The following ADAMTS16 variants were observed in gnomAD, a reference collection of about 807,000 sequenced individuals.
ADAMTS16 encodes ADAM metallopeptidase with thrombospondin type 1 motif 16.
ADAMTS16 carries 94 observed loss-of-function variants against 145.8 expected under a neutral mutation model. That is an observed-to-expected ratio of 0.64 (90% CI 0.55 to 0.77). The LOEUF (loss-of-function observed/expected upper bound fraction) is 0.77, where lower values mean the gene tolerates loss of function less well. Among genes scored for constraint, ADAMTS16 ranks in the 30% least tolerant of loss-of-function variants. The pLI, the probability that ADAMTS16 is intolerant of heterozygous loss-of-function variation, is 0.00. For synonymous variants in ADAMTS16, 659 were observed against 604.3 expected, an observed-to-expected ratio of 1.09 and a Z score of -1.33; for missense variants, 1,585 against 1,591.5, an observed-to-expected ratio of 1.00 and a Z score of 0.07.
At chr5:5,303,515 G>C in intron 19 of ADAMTS16, 46 bp downstream of exon 19, 6 of 1,608,262 alleles carry the variant, frequency 3.7e-6, no homozygotes, top group Non-Finnish European at 5.1e-6. Context: ...GCCCCTGCAT[G>C]ATCTGCTGTG....
intron 11 of ADAMTS16, among the ~76,000 whole-genome samples, chr5:5,230,979 G>C (rs1329981909): frequency 6.6e-6 from 1 of 152,144 alleles, no homozygotes; most frequent in Non-Finnish European, 1.5e-5. Context: ...TCCTGCATTA[G>C]AAAGCTATGA....
At chr5:5,276,392 A>G (rs1468360957) in intron 18 of ADAMTS16, among the ~76,000 whole-genome samples, 1 of 152,164 alleles carries the variant, frequency 6.6e-6, no homozygotes, top group Non-Finnish European at 1.5e-5. Flanking sequence ...CCACTTTCTG[A>G]TTTAAAATAG....
At chr5:5,251,336 T>C (rs909959771) in intron 17 of ADAMTS16, among the ~76,000 whole-genome samples, 3 of 152,190 alleles carry the variant, frequency 2.0e-5, no homozygotes, top group Admixed American at 2.0e-4. Context: ...GGTATGAGCA[T>C]GAACAGCCCA....
Position 5,232,457 on chromosome 5 carries a change from A to G in ADAMTS16, c.1791A>G (p.Pro597=). 6.2e-7 allele frequency: 1 copy of G among 1,614,032 alleles called. No homozygotes were observed. Residue 597 remains proline (P), a synonymous_variant, in exon 12 of 23, where the codon CCA becomes CCG. Coordinates refer to ENST00000274181, the MANE Select transcript of ADAMTS16 (RefSeq NM_139056.4). ...GHWSDWSSWS[P]CSRTCGGGVS... is the part of the protein sequence containing the mutation. ...GGTCGGACTGGTCTTCTTGGTCCCCATGCTCCAGGACCTGCGGAGGGGGAG... is the reference window on the plus strand; with the variant it reads ...GGTCGGACTGGTCTTCTTGGTCCCCGTGCTCCAGGACCTGCGGAGGGGGAG...
At chr5:5,238,012 G>A (rs112419816) in intron 14 of ADAMTS16, among the ~76,000 whole-genome samples, 3 of 152,130 alleles carry the variant, frequency 2.0e-5, no homozygotes, top group East Asian at 1.9e-4. Flanking sequence ...TCTAGTTCTC[G>A]CTTCCCCTAA....
intron 3 of ADAMTS16, among the ~76,000 whole-genome samples, chr5:5,164,953 A>G (rs887934430): frequency 1.3e-5 from 2 of 152,042 alleles, no homozygotes; most frequent in African/African-American, 4.8e-5. Context: ...TGTTTTCTAA[A>G]TGCTTTATTG....
intron 8 of ADAMTS16, among the ~76,000 whole-genome samples, chr5:5,199,090 G>C (rs777045088): frequency 6.6e-6 from 1 of 152,216 alleles, no homozygotes; most frequent in Non-Finnish European, 1.5e-5. Flanking sequence ...TCCCAAGGAA[G>C]TATGTTGTGT....
At chr5:5,220,438 G>A (rs529030958) in intron 10 of ADAMTS16, among the ~76,000 whole-genome samples, 8 of 151,982 alleles carry the variant, frequency 5.3e-5, no homozygotes, top group East Asian at 2.0e-4. Flanking sequence ...GATTACAGGT[G>A]TGAGCCACCG....
chr5:5,287,370 T>C (rs1169045647), intron 18 of ADAMTS16, among the ~76,000 whole-genome samples: 2 of 152,256 alleles, frequency 1.3e-5, no homozygotes, highest in Non-Finnish European at 1.5e-5. Context: ...TCAAATCCTA[T>C]GTGGAAATGA....
intron 3 of ADAMTS16, among the ~76,000 whole-genome samples, chr5:5,179,621 AGTGTT>A (rs1208216885): frequency 1.3e-5 from 2 of 152,228 alleles, no homozygotes; most frequent in Admixed American, 1.3e-4. Context: ...TAAAAGGTAA[AGTGTT>A]GTTGTGTCTT....
intron 13 of ADAMTS16, among the ~76,000 whole-genome samples, chr5:5,236,615 T>C (rs201953949): frequency 2.7e-3 from 6 of 2,192 alleles, no homozygotes; most frequent in Admixed American, 4.5e-3. Context: ...AAAATGGCAG[T>C]TTTTTTTTTT....
In ADAMTS16 at chr5:5,144,125, C is replaced by CAAA. The variant is rs70965926; in HGVS notation, c.176-1997_176-1995dup. ...ATGTATCCCAGAACTTAAATTATAACAAAAAAAAAATCAATGGTCACATGC... is the reference window on the plus strand; with the variant it reads ...ATGTATCCCAGAACTTAAATTATAACAAAAAAAAAAAAATCAATGGTCACATGC... On this transcript the variant is annotated intron_variant, in intron 2 of 22. Coordinates refer to ENST00000274181, the MANE Select transcript of ADAMTS16 (RefSeq NM_139056.4). 4.3e-3 allele frequency among the ~76,000 whole-genome samples: 648 copies of CAAA among 150,464 alleles called. 6 individuals carry two copies. The highest frequency in any genetic ancestry group is 0.015 in the African/African-American group (622 of 41,108).
At chr5:5,248,101 T>C (rs1471896673) in intron 17 of ADAMTS16, among the ~76,000 whole-genome samples, 2 of 152,262 alleles carry the variant, frequency 1.3e-5, no homozygotes, top group African/African-American at 4.8e-5. Context: ...CGTTCATTTA[T>C]GGAACACCGT....
At chr5:5,186,302 GT>G (rs767235267) in intron 5 of ADAMTS16, 51 bp downstream of exon 5, 128,969 of 735,478 alleles carry the variant, frequency 0.18, 5,882 homozygotes, top group South Asian at 0.24. Flanking sequence ...ACTTCGTAGG[GT>G]GTGTGTGTGT....
At chr5:5,311,166 C>T (rs534147370) in intron 21 of ADAMTS16, among the ~76,000 whole-genome samples, 10 of 152,030 alleles carry the variant, frequency 6.6e-5, no homozygotes, top group East Asian at 1.9e-4. Flanking sequence ...CCCCCTGAAC[C>T]GAAGTAGCCC....
At chr5:5,308,901 G>C (rs897216891) in intron 21 of ADAMTS16, among the ~76,000 whole-genome samples, 11 of 148,398 alleles carry the variant, frequency 7.4e-5, no homozygotes, top group African/African-American at 2.5e-4. Flanking sequence ...AGTGAGCCTG[G>C]ATGGCACCAC....
rs145201476 is a variant in ADAMTS16 at position 5,188,698 on chromosome 5, C to G, written c.1047+890C>G. Reference sequence around the variant, plus strand: ...GAGATCATTCATAAGATCTAAGATGCCTTCGATGTTAAAGTTCTGGGATGC... The same window carrying G: ...GAGATCATTCATAAGATCTAAGATGGCTTCGATGTTAAAGTTCTGGGATGC... On this transcript the variant is annotated intron_variant, in intron 6 of 22. Coordinates refer to ENST00000274181, the MANE Select transcript of ADAMTS16 (RefSeq NM_139056.4). Among the ~76,000 whole-genome samples, 624 of 152,144 alleles carry G rather than the reference C, an allele frequency of 4.1e-3. 5 individuals carry two copies. The highest frequency in any genetic ancestry group is 0.014 in the African/African-American group (594 of 41,492).
At chr5:5,311,544 CTCCT>C (rs1561005246) in intron 21 of ADAMTS16, among the ~76,000 whole-genome samples, 4 of 85,690 alleles carry the variant, frequency 4.7e-5, no homozygotes, top group Admixed American at 4.0e-4. Flanking sequence ...TATTAGTCTG[CTCCT>C]TTTTTTTTTT....
chr5:5,200,173 A>G lies in ADAMTS16; in HGVS notation c.1355A>G (p.Lys452Arg), dbSNP rs777627718. 6.2e-7 allele frequency: 1 copy of G among 1,613,922 alleles called. No individual in the cohort carries two copies. Among genetic ancestry groups the G allele is most frequent in the African/African-American group, 1.3e-5 (1 of 75,028 alleles). Reference sequence around the variant, plus strand: ...GATGGAGAAGGGAACATGTGCAAAAAGTCCGAGGGCAACATCATGTCCCCT... The same window carrying G: ...GATGGAGAAGGGAACATGTGCAAAAGGTCCGAGGGCAACATCATGTCCCCT... ...IHDGEGNMCK[K>R]SEGNIMSPTL... The change falls in exon 9 of 23, where the codon AAG becomes AGG. Residue 452 changes from lysine to arginine, a missense_variant. Lys to Arg is a conservative substitution (Grantham distance 26). Around this residue, in one of 3 missense-constraint regions of ADAMTS16, gnomAD observed 298 missense variants for 367.6 expected, o/e 0.81. Transcript: ENST00000274181.
Sources: allele counts gnomAD v4.1 joint callset (sites outside exome capture counted in the v4.1 genomes callset), GRCh38; gene constraint gnomAD v4.1.1; regional missense constraint gnomAD v4.1.1; transcripts MANE v1.5; gene names NCBI Gene and HGNC (gene_info 2026-07-23, HGNC 2026-07-21).